Variants in ENTREP2 observed in about 807,000 individuals in gnomAD.
The protein encoded by ENTREP2 is protein ENTREP2.
the ENTREP2 span, among the ~76,000 whole-genome samples, chr15:29,301,355 A>C: frequency 6.6e-6 from 1 of 152,338 alleles, no homozygotes; most frequent in South Asian, 2.1e-4. Flanking sequence ...AATATTTTCT[A>C]TCTGCTAAGG....
the ENTREP2 span, among the ~76,000 whole-genome samples, chr15:29,573,071 G>GCCAGTTGGTGACCT: frequency 6.6e-6 from 1 of 152,146 alleles, no homozygotes; most frequent in African/African-American, 2.4e-5. Flanking sequence ...AGAAGGGGGA[G>GCCAGTTGGTGACCT]CCAGTTGGTG....
chr15:29,339,090 C>T, the ENTREP2 span, among the ~76,000 whole-genome samples: 7 of 152,344 alleles, frequency 4.6e-5, no homozygotes, highest in Admixed American at 2.0e-4. Context: ...AGCTCTACTG[C>T]AAGTCCATCA....
chr15:29,656,040 AAAAC>A, the ENTREP2 span, among the ~76,000 whole-genome samples: 9 of 151,486 alleles, frequency 5.9e-5, no homozygotes, highest in African/African-American at 1.5e-4. Context: ...AAAAAAAAAA[AAAAC>A]AACTATGTAG....
At chr15:29,633,787 T>TCG in the ENTREP2 span, among the ~76,000 whole-genome samples, 2 of 151,806 alleles carry the variant, frequency 1.3e-5, no homozygotes, top group African/African-American at 4.8e-5. Flanking sequence ...ATGGTGAAAC[T>TCG]GTCTCTACTA....
chr15:29,341,450 C>T, the ENTREP2 span, among the ~76,000 whole-genome samples: 1 of 152,192 alleles, frequency 6.6e-6, no homozygotes, highest in Non-Finnish European at 1.5e-5. Flanking sequence ...GGCACATTGG[C>T]CAGTGAAAGC....
chr15:29,127,642 C>G, the ENTREP2 span, among the ~76,000 whole-genome samples: 3,474 of 152,270 alleles, frequency 0.023, 130 homozygotes, highest in African/African-American at 0.078. Context: ...GCAGAAGCCT[C>G]GGTGCTGGAA....
At chr15:29,559,835 A>G in the ENTREP2 span, among the ~76,000 whole-genome samples, 2 of 152,166 alleles carry the variant, frequency 1.3e-5, no homozygotes, top group Non-Finnish European at 2.9e-5. Flanking sequence ...GCCATGTGAG[A>G]CACAGATTCA....
At chr15:29,280,174 C>T in the ENTREP2 span, among the ~76,000 whole-genome samples, 2 of 152,154 alleles carry the variant, frequency 1.3e-5, no homozygotes, top group Admixed American at 6.5e-5. Flanking sequence ...CATTAAAAGA[C>T]GTATCTCTAC....
At chr15:29,253,268 T>C in the ENTREP2 span, among the ~76,000 whole-genome samples, 1 of 152,188 alleles carries the variant, frequency 6.6e-6, no homozygotes, top group Non-Finnish European at 1.5e-5. Flanking sequence ...CACTTTTTCC[T>C]CTGTGAAATT....
the ENTREP2 span, among the ~76,000 whole-genome samples, chr15:29,377,965 G>A: frequency 6.6e-6 from 1 of 151,418 alleles, no homozygotes; most frequent in East Asian, 1.9e-4. Flanking sequence ...GGTAGGCGGT[G>A]GTGTCATCAA....
At chr15:29,460,169 G>A in the ENTREP2 span, among the ~76,000 whole-genome samples, 1 of 151,992 alleles carries the variant, frequency 6.6e-6, no homozygotes, top group Non-Finnish European at 1.5e-5. Flanking sequence ...AGAGGATCCT[G>A]TGAGCCCAGG....
chr15:29,558,540 C>T, the ENTREP2 span, among the ~76,000 whole-genome samples: 2 of 151,000 alleles, frequency 1.3e-5, no homozygotes, highest in African/African-American at 2.4e-5. Context: ...TCAAACCCTT[C>T]ACCCAGGTGG....
the ENTREP2 span, among the ~76,000 whole-genome samples, chr15:29,617,895 G>A: frequency 7.2e-4 from 110 of 152,302 alleles, no homozygotes; most frequent in Middle Eastern, 3.4e-3. Context: ...GTTAGGACCA[G>A]GCAGCCTGGC....
the ENTREP2 span, among the ~76,000 whole-genome samples, chr15:29,270,814 T>G: frequency 1.3e-5 from 2 of 152,324 alleles, no homozygotes; most frequent in African/African-American, 4.8e-5. Flanking sequence ...TCTTAGCAAA[T>G]TTGTTTCTTC....
the ENTREP2 span, among the ~76,000 whole-genome samples, chr15:29,478,585 T>C: frequency 6.6e-6 from 1 of 152,034 alleles, no homozygotes. Context: ...CTTTGTCATA[T>C]TGAGTTCTTG....
At chr15:29,128,159 C>T in the ENTREP2 span, among the ~76,000 whole-genome samples, 1 of 152,190 alleles carries the variant, frequency 6.6e-6, no homozygotes, top group East Asian at 1.9e-4. Context: ...CCATGTGACC[C>T]CTCGCAGGGG....
chr15:29,438,888 G>A, the ENTREP2 span, among the ~76,000 whole-genome samples: 1 of 152,156 alleles, frequency 6.6e-6, no homozygotes, highest in African/African-American at 2.4e-5. Flanking sequence ...ACAAGGTTAT[G>A]TACTAACCAG....
chr15:29,144,487 G>C, the ENTREP2 span, among the ~76,000 whole-genome samples: 12 of 152,292 alleles, frequency 7.9e-5, no homozygotes, highest in Admixed American at 6.5e-4. Flanking sequence ...CAAGCACTTG[G>C]GGAGCCCAAG....
the ENTREP2 span, among the ~76,000 whole-genome samples, chr15:29,162,575 A>G: frequency 6.6e-6 from 1 of 152,166 alleles, no homozygotes; most frequent in East Asian, 1.9e-4. Flanking sequence ...GACTCAGCAG[A>G]GGCAGCCATA....
Sources: allele counts gnomAD v4.1 joint callset (sites outside exome capture counted in the v4.1 genomes callset), GRCh38; gene constraint gnomAD v4.1.1; transcripts MANE v1.5; gene names NCBI Gene and HGNC (gene_info 2026-07-23, HGNC 2026-07-21).